The following SLC7A9 variants were observed in gnomAD, a reference collection of about 807,000 sequenced individuals.
SLC7A9 encodes B(0,+)-type amino acid transporter 1.
A neutral mutation model predicts 54.1 loss-of-function variants in SLC7A9; 38 were observed. That is an observed-to-expected ratio of 0.70 (90% CI 0.54 to 0.92). The LOEUF is 0.92. SLC7A9 is among the 40% of genes least tolerant of loss of function. SLC7A9 has a pLI of 0.00. For missense variants in SLC7A9, 537 were observed against 636.1 expected (o/e 0.84, Z 1.68); for synonymous variants, 264 against 258.9 (o/e 1.02, Z -0.19).
intron 11 of SLC7A9, among the ~76,000 whole-genome samples, chr19:32,838,964 C>T (rs1361168063): frequency 6.6e-6 from 1 of 151,798 alleles, no homozygotes; most frequent in Non-Finnish European, 1.5e-5. Flanking sequence ...TTTTTTTAGA[C>T]ATTGTGTATA....
At chr19:32,856,473 C>G (rs1364599143) in intron 9 of SLC7A9, among the ~76,000 whole-genome samples, 1 of 152,154 alleles carries the variant, frequency 6.6e-6, no homozygotes, top group African/African-American at 2.4e-5. Context: ...GGATTACAGG[C>G]GTGAGCCACC....
In SLC7A9 at chr19:32,864,042, G is replaced by T. The variant is rs1252219339; in HGVS notation, c.478+54C>A. ...GGAGGAGCTGAGGGCGGAGTCCCCAGACACCCTCTGTGCCAGGTCTTTTCT... is the reference window on the plus strand; with the variant it reads ...GGAGGAGCTGAGGGCGGAGTCCCCATACACCCTCTGTGCCAGGTCTTTTCT... On this transcript the variant is annotated intron_variant, in intron 4 of 12. Coordinates refer to ENST00000023064, the MANE Select transcript of SLC7A9 (RefSeq NM_014270.5). 1.1e-5 allele frequency: 17 copies of T among 1,611,786 alleles called. No homozygotes were observed. The South Asian group carries it at 1.9e-4, about 18-fold the overall frequency.
chr19:32,838,870 A>G (rs985406698), intron 11 of SLC7A9, among the ~76,000 whole-genome samples: 1 of 150,312 alleles, frequency 6.7e-6, no homozygotes, highest in Non-Finnish European at 1.5e-5. Context: ...ACATATATGT[A>G]TATATTATGT....
intron 9 of SLC7A9, among the ~76,000 whole-genome samples, chr19:32,850,507 C>T (rs1568521904): frequency 6.6e-6 from 1 of 151,762 alleles, no homozygotes; most frequent in Non-Finnish European, 1.5e-5. Flanking sequence ...AACTACAAAC[C>T]ACTGCTCAAT....
chr19:32,862,236 G>C lies in SLC7A9; in HGVS notation c.605-19C>G, dbSNP rs1371116437. The C allele has an allele frequency of 6.3e-7, 1 of 1,591,182 alleles. No homozygotes were observed. The highest frequency in any genetic ancestry group is 8.6e-7 in the Non-Finnish European group (1 of 1,159,054). On this transcript the variant is annotated intron_variant, in intron 5 of 12. Coordinates refer to ENST00000023064, the MANE Select transcript of SLC7A9 (RefSeq NM_014270.5). ...GTGTTTCCTGTAATGAAGCCAGACA[G>C]TGAACGGCGGGTGTCAACCGGGCAG...
chr19:32,861,580 G>A (rs1047367559), intron 6 of SLC7A9, among the ~76,000 whole-genome samples: 1 of 152,178 alleles, frequency 6.6e-6, no homozygotes, highest in African/African-American at 2.4e-5. Context: ...GGGAGGCCGA[G>A]GAGAGAGAAT....
At chr19:32,846,762 A>AC (rs1460116275) in intron 9 of SLC7A9, among the ~76,000 whole-genome samples, 1 of 152,162 alleles carries the variant, frequency 6.6e-6, no homozygotes, top group Non-Finnish European at 1.5e-5. Flanking sequence ...ACTGGGAGGC[A>AC]ACCCCCCAGT....
chr19:32,834,614 A>C (rs1339941213), intron 11 of SLC7A9, among the ~76,000 whole-genome samples: 3 of 152,008 alleles, frequency 2.0e-5, no homozygotes. Flanking sequence ...CAGGAGACAG[A>C]GTGAGACTCT....
At chr19:32,865,369 T>A (rs1237594207) in intron 2 of SLC7A9, among the ~76,000 whole-genome samples, 1 of 152,196 alleles carries the variant, frequency 6.6e-6, no homozygotes. Context: ...AGAGGTGAGA[T>A]CATGGCTCAC....
At chr19:32,852,117 A>G (rs1353908074) in intron 9 of SLC7A9, among the ~76,000 whole-genome samples, 1 of 152,134 alleles carries the variant, frequency 6.6e-6, no homozygotes, top group Non-Finnish European at 1.5e-5. Flanking sequence ...GCACATGTAT[A>G]CATATGTAAC....
Position 32,835,891 on chromosome 19 carries a change from G to C in SLC7A9, c.1225-2568C>G, listed in dbSNP as rs111280521. Among the ~76,000 whole-genome samples, 672 of 114,044 alleles carry C rather than the reference G, an allele frequency of 5.9e-3. 5 individuals carry two copies. The highest frequency in any genetic ancestry group is 0.022 in the African/African-American group (578 of 25,696). 74.8% of individuals were successfully genotyped at this position (114,044 alleles called of 152,430 possible). A position where few individuals can be genotyped will look rare whatever the true frequency, so the allele number is the denominator to read the frequency against. ...TGCTATTTCTAGGAATTTATGTACT[G>C]TGTGTGTGTGTGTGTGTGTATGTGT... On this transcript the variant is annotated intron_variant, in intron 11 of 12. Coordinates refer to ENST00000023064, the MANE Select transcript of SLC7A9 (RefSeq NM_014270.5).
chr19:32,850,218 A>G (rs1187752914), intron 9 of SLC7A9, among the ~76,000 whole-genome samples: 2 of 150,402 alleles, frequency 1.3e-5, no homozygotes, highest in Non-Finnish European at 3.0e-5. Context: ...AAGATATTCA[A>G]TTAGGAAAAG....
chr19:32,844,038 A>G (rs1968208036), intron 9 of SLC7A9, 87 bp from the exon 10 acceptor site: 1 of 1,015,888 alleles, frequency 9.8e-7, no homozygotes, highest in Non-Finnish European at 1.5e-6. Context: ...GGGGTCCACC[A>G]AGGAGCCCTC....
rs543589106 is a variant in SLC7A9, at chr19:32,869,709, C to T, written c.-135G>A. On this transcript the variant is annotated 5_prime_UTR_variant, in exon 1 of 13. Coordinates refer to ENST00000023064, the MANE Select transcript of SLC7A9 (RefSeq NM_014270.5). ...ACCTTCCTCCGTGACCCTGCAGAGC[C>T]GGAGGAGCTGCGGCCCAGCTGACCG... 2.6e-5 allele frequency: 4 copies of T among 152,402 alleles called. No individual in the cohort carries two copies. The highest frequency in any genetic ancestry group is 2.1e-4 in the South Asian group (1 of 4,828). 9.4% of individuals were successfully genotyped at this position (152,402 alleles called of 1,614,324 possible). A position where few individuals can be genotyped will look rare whatever the true frequency, so the allele number is the denominator to read the frequency against.
At chr19:32,848,857 A>G (rs1968379201) in intron 9 of SLC7A9, among the ~76,000 whole-genome samples, 1 of 152,248 alleles carries the variant, frequency 6.6e-6, no homozygotes, top group African/African-American at 2.4e-5. Flanking sequence ...GTGCAATCAA[A>G]CTAGAACTCA....
chr19:32,852,500 G>T (rs767630726), intron 9 of SLC7A9, among the ~76,000 whole-genome samples: 1 of 151,734 alleles, frequency 6.6e-6, no homozygotes, highest in Non-Finnish European at 1.5e-5. Context: ...TCAAAACGAC[G>T]AACAAAAACC....
intron 11 of SLC7A9, among the ~76,000 whole-genome samples, chr19:32,834,037 C>T (rs555535508): frequency 1.3e-5 from 2 of 152,036 alleles, no homozygotes; most frequent in African/African-American, 4.8e-5. Flanking sequence ...ACAAGTTGGG[C>T]CCCTGAGACC....
intron 9 of SLC7A9, among the ~76,000 whole-genome samples, chr19:32,844,857 CAAAAAAAA>C (rs386388892): frequency 6.6e-4 from 20 of 30,316 alleles, no homozygotes; most frequent in South Asian, 2.7e-3. Context: ...GAATCCATCT[CAAAAAAAA>C]AAAAAAAAAA....
Position 32,864,139 on chromosome 19 carries a change from C to A in SLC7A9, c.435G>T (p.Lys145Asn). The change falls in exon 4 of 13, where the codon AAG becomes AAT. Residue 145 changes from lysine (K) to asparagine (N), a missense_variant. Lys to Asn is a moderately conservative substitution (Grantham distance 94). Transcript: ENST00000023064. ...YVCAPFYVGC[K>N]PPQIVVKCLA... The stretch of plus-strand genomic sequence containing the variant: ...GGCATTTCACAACGATTTGAGGAGG[C>A]TTGCAGCCCACATAGAAGGGCGCAC... 6.2e-7 allele frequency: 1 copy of A among 1,614,220 alleles called. No individual in the cohort carries two copies. Among genetic ancestry groups the A allele is most frequent in the Non-Finnish European group, 8.5e-7 (1 of 1,180,030 alleles).
Sources: allele counts gnomAD v4.1 joint callset (sites outside exome capture counted in the v4.1 genomes callset), GRCh38; gene constraint gnomAD v4.1.1; transcripts MANE v1.5; gene names NCBI Gene and HGNC (gene_info 2026-07-23, HGNC 2026-07-21).